The following CIMAP1D variants were observed in gnomAD, a reference collection of about 807,000 sequenced individuals.
CIMAP1D encodes the protein CIMAP1 family member D.
At chr19:487,047 C>A in the CIMAP1D span, among the ~76,000 whole-genome samples, 2 of 152,130 alleles carry the variant, frequency 1.3e-5, no homozygotes, top group South Asian at 2.1e-4. Flanking sequence ...CCGCCATGCC[C>A]GGCCTATCGG....
chr19:468,195 G>A, the CIMAP1D span, among the ~76,000 whole-genome samples: 5 of 152,050 alleles, frequency 3.3e-5, no homozygotes, highest in Admixed American at 6.6e-5. Context: ...GCAAGATCCC[G>A]TCTCTACTAA....
At chr19:487,880 G>C in the CIMAP1D span, among the ~76,000 whole-genome samples, 1 of 152,230 alleles carries the variant, frequency 6.6e-6, no homozygotes, top group Non-Finnish European at 1.5e-5. Context: ...GGGCCTGGTA[G>C]TTAAAGAGCG....
At chr19:489,882 C>A in the CIMAP1D span, 1 of 386,714 alleles carries the variant, frequency 2.6e-6, no homozygotes, top group Non-Finnish European at 4.6e-6. Context: ...ACCCTCCCAG[C>A]CAGGAGGCTG....
the CIMAP1D span, among the ~76,000 whole-genome samples, chr19:470,889 A>G: frequency 1.3e-5 from 2 of 152,112 alleles, no homozygotes; most frequent in African/African-American, 4.8e-5. Context: ...CGCCCGTTCT[A>G]GACAGGAGCA....
chr19:481,983 C>A, the CIMAP1D span, among the ~76,000 whole-genome samples: 1 of 151,670 alleles, frequency 6.6e-6, no homozygotes, highest in Non-Finnish European at 1.5e-5. Flanking sequence ...GCTATGTTGC[C>A]CAGGCTGGTC....
chr19:487,299 CT>C, the CIMAP1D span, among the ~76,000 whole-genome samples: 4 of 152,168 alleles, frequency 2.6e-5, no homozygotes, highest in Non-Finnish European at 4.4e-5. Flanking sequence ...AAGTGAGGGC[CT>C]TTTCCCTTGG....
the CIMAP1D span, among the ~76,000 whole-genome samples, chr19:486,692 A>G: frequency 4.2e-4 from 63 of 151,762 alleles, no homozygotes; most frequent in Non-Finnish European, 7.1e-4. Flanking sequence ...AGGCGAGCAG[A>G]TCACGAGATC....
At chr19:482,640 C>T in the CIMAP1D span, among the ~76,000 whole-genome samples, 3 of 152,170 alleles carry the variant, frequency 2.0e-5, no homozygotes, top group African/African-American at 7.2e-5. Flanking sequence ...TCATGCAGAA[C>T]GGCTCTGCTG....
chr19:466,201 TGGGTGGGTGGGC>T, the CIMAP1D span, among the ~76,000 whole-genome samples: 13 of 33,452 alleles, frequency 3.9e-4, no homozygotes, highest in East Asian at 1.0e-3. Flanking sequence ...GATAGATGGA[TGGGTGGGTGGGC>T]GGGTGGGTGG....
the CIMAP1D span, among the ~76,000 whole-genome samples, chr19:486,685 C>CAG: frequency 9.9e-5 from 15 of 151,638 alleles, no homozygotes; most frequent in Admixed American, 8.5e-4. Flanking sequence ...GAGGCTGAGG[C>CAG]GAGCAGATCA....
the CIMAP1D span, among the ~76,000 whole-genome samples, chr19:477,787 C>T: frequency 5.3e-5 from 8 of 152,198 alleles, no homozygotes; most frequent in African/African-American, 1.9e-4. Context: ...CTCAGCCTCC[C>T]GGGTAGCTGG....
chr19:463,586 T>TGGAA, the CIMAP1D span: 1 of 521,240 alleles, frequency 1.9e-6, no homozygotes, highest in African/African-American at 2.0e-5. Flanking sequence ...TTTCCCCACC[T>TGGAA]GGCCTGGCCT....
chr19:477,499 G>A, the CIMAP1D span, among the ~76,000 whole-genome samples: 7 of 149,086 alleles, frequency 4.7e-5, no homozygotes, highest in Non-Finnish European at 4.4e-5. Context: ...GCTTGAACCC[G>A]CTTGAACCCT....
At chr19:488,476 G>C in the CIMAP1D span, among the ~76,000 whole-genome samples, 83,171 of 151,616 alleles carry the variant, frequency 0.55, 24,245 homozygotes, top group African/African-American at 0.75. Flanking sequence ...GAGCCGAGAT[G>C]GCGCCACTGC....
At chr19:481,299 GAAGGA>G in the CIMAP1D span, among the ~76,000 whole-genome samples, 4 of 96,730 alleles carry the variant, frequency 4.1e-5, no homozygotes, top group Middle Eastern at 5.3e-3. Context: ...AGGATGATGG[GAAGGA>G]TGATGGAGAA....
the CIMAP1D span, among the ~76,000 whole-genome samples, chr19:485,204 TAC>T: frequency 1.6e-4 from 24 of 151,186 alleles, no homozygotes; most frequent in South Asian, 2.1e-4. Flanking sequence ...GTAACACACG[TAC>T]ACACACACAC....
chr19:485,953 C>T, the CIMAP1D span, among the ~76,000 whole-genome samples: 6 of 152,144 alleles, frequency 3.9e-5, no homozygotes, highest in South Asian at 4.1e-4. Flanking sequence ...CTCAGACTCA[C>T]GCGCCCTGCT....
the CIMAP1D span, among the ~76,000 whole-genome samples, chr19:491,235 C>G: frequency 6.6e-6 from 1 of 152,172 alleles, no homozygotes; most frequent in Non-Finnish European, 1.5e-5. Flanking sequence ...CAAGATCTCA[C>G]CACTGCACTC....
the CIMAP1D span, among the ~76,000 whole-genome samples, chr19:473,721 A>C: frequency 1.2e-4 from 15 of 127,286 alleles, no homozygotes; most frequent in Non-Finnish European, 2.2e-4. Context: ...CCAGGCAGAG[A>C]TACACGATCA....
Sources: allele counts gnomAD v4.1 joint callset (sites outside exome capture counted in the v4.1 genomes callset), GRCh38; gene constraint gnomAD v4.1.1; transcripts MANE v1.5; gene names NCBI Gene and HGNC (gene_info 2026-07-23, HGNC 2026-07-21).